The following CSMD1 variants were observed in gnomAD, a reference collection of about 807,000 sequenced individuals.
CSMD1 encodes the protein CUB and sushi domain-containing protein 1.
In CSMD1, 213 loss-of-function variants were observed where a neutral mutation model predicts 417.5. The observed-to-expected ratio is 0.51, with a 90% CI of 0.46 to 0.57. The LOEUF (loss-of-function observed/expected upper bound fraction) is 0.57, where lower values mean the gene tolerates loss of function less well. Among genes scored for constraint, CSMD1 ranks in the 20% least tolerant of loss-of-function variants. The pLI, the probability that CSMD1 is intolerant of heterozygous loss-of-function variation, is 0.00. For synonymous variants in CSMD1, 2,862 were observed against 1,736.8 expected, an observed-to-expected ratio of 1.65 and a Z score of -16.11; for missense variants, 6,923 against 4,529.7, an observed-to-expected ratio of 1.53 and a Z score of -15.17.
intron 1 of CSMD1, among the ~76,000 whole-genome samples, chr8:4,907,829 G>C (rs1162800578): frequency 6.6e-6 from 1 of 151,710 alleles, no homozygotes; most frequent in African/African-American, 2.4e-5. Flanking sequence ...GCCTCGCAAA[G>C]TGCTGGGATT....
intron 21 of CSMD1, among the ~76,000 whole-genome samples, chr8:3,356,344 T>C (rs1043234132): frequency 6.6e-6 from 1 of 152,168 alleles, no homozygotes; most frequent in South Asian, 2.1e-4. Flanking sequence ...CAGACCACTG[T>C]AAAGGAGCCA....
intron 2 of CSMD1, among the ~76,000 whole-genome samples, chr8:4,436,536 A>C (rs1226313235): frequency 6.6e-6 from 1 of 152,034 alleles, no homozygotes; most frequent in Non-Finnish European, 1.5e-5. Flanking sequence ...GTAACAAACA[A>C]TCCGATCACA....
intron 10 of CSMD1, among the ~76,000 whole-genome samples, chr8:3,520,565 G>A (rs542372679): frequency 1.1e-4 from 16 of 152,144 alleles, no homozygotes; most frequent in African/African-American, 2.2e-4. Context: ...CTAGAAGTGC[G>A]TACATTTAAC....
At chr8:3,406,293 A>C (rs1333579356) in intron 14 of CSMD1, 72 bp from the exon 15 acceptor site, 2 of 1,254,606 alleles carry the variant, frequency 1.6e-6, no homozygotes, top group Non-Finnish European at 2.2e-6. Flanking sequence ...AAAAAGAAGA[A>C]AACAGAACAA....
chr8:4,627,340 C>G lies in CSMD1; in HGVS notation c.302+10002G>C, dbSNP rs1280616252. ...ATCCACATAAAGCTCATTTAAAATC[C>G]TGAAAAATCTGGGAAACTATTTATA... is the stretch of plus-strand genomic sequence containing the variant. On this transcript the variant is annotated intron_variant, in intron 2 of 69. Transcript: ENST00000635120. Among the ~76,000 whole-genome samples, 99 of 152,140 alleles carry G rather than the reference C, an allele frequency of 6.5e-4. 1 individual carries two copies. Among genetic ancestry groups the G allele is most frequent in the Non-Finnish European group, 1.8e-4 (12 of 67,990 alleles).
At position 4,202,087 on chromosome 8, in the gene CSMD1, T is replaced by C. The variant is rs1000780462; in HGVS notation, c.416-169988A>G. 8.6e-5 allele frequency among the ~76,000 whole-genome samples: 5 copies of C among 57,942 alleles called. No individual in the cohort carries two copies. The Middle Eastern group carries it at 0.019, about 217-fold the overall frequency. 38.0% of individuals were successfully genotyped at this position (57,942 alleles called of 152,430 possible). ...TAATGCTTGCCTCTCAGTTTAAGAG[T>C]AAATTTTGTTTTTTTGTTAGTTTTT... On this transcript the variant is annotated intron_variant, in intron 3 of 69. Coordinates refer to ENST00000635120, the MANE Select transcript of CSMD1 (RefSeq NM_033225.6).
intron 41 of CSMD1, among the ~76,000 whole-genome samples, chr8:3,139,041 C>A (rs1818281146): frequency 6.6e-6 from 1 of 152,126 alleles, no homozygotes; most frequent in Admixed American, 6.5e-5. Context: ...ATTCCAGGAA[C>A]ACTGCACCTC....
intron 10 of CSMD1, among the ~76,000 whole-genome samples, chr8:3,494,303 G>A (rs1293888280): frequency 1.3e-5 from 2 of 152,032 alleles, no homozygotes; most frequent in African/African-American, 4.8e-5. Flanking sequence ...GTACAACAAT[G>A]GTTTATGTTT....
rs565259762 is a variant in CSMD1, at chr8:3,493,677, G to C, written c.1394C>G (p.Thr465Ser). 1.2e-6 allele frequency: 2 copies of C among 1,612,404 alleles called. No individual in the cohort carries two copies. Among genetic ancestry groups the C allele is most frequent in the South Asian group, 2.2e-5 (2 of 90,380 alleles). ...CTTCCCAGCATCACCAACCGTCAGG[G>C]TGTCATAGCCTCGCTCCAGCTCAAA... ...EEFELERGYD[T>S]LTVGDAGKVG... Residue 465 changes from threonine (T) to serine (S), a missense_variant, in exon 11 of 70, where the codon ACC becomes AGC. Physicochemically the swap from Thr to Ser is moderately conservative, Grantham distance 58. Transcript: ENST00000635120.
chr8:3,877,282 G>C (rs1446336003), intron 5 of CSMD1, among the ~76,000 whole-genome samples: 3 of 152,112 alleles, frequency 2.0e-5, no homozygotes, highest in Admixed American at 1.3e-4. Context: ...TTGATGCGTG[G>C]TGAAAGGAAA....
At chr8:4,646,330 G>C (rs544895381) in intron 1 of CSMD1, among the ~76,000 whole-genome samples, 8 of 152,118 alleles carry the variant, frequency 5.3e-5, no homozygotes, top group East Asian at 1.9e-4. Flanking sequence ...GGGTCAGTAG[G>C]ATTGAGTTGT....
At chr8:3,669,158 G>C (rs755023145) in intron 7 of CSMD1, among the ~76,000 whole-genome samples, 1 of 152,168 alleles carries the variant, frequency 6.6e-6, no homozygotes, top group Non-Finnish European at 1.5e-5. Flanking sequence ...AACAAGGAAA[G>C]CACGTACAAA....
chr8:3,224,772 C>G (rs902635448), intron 27 of CSMD1, among the ~76,000 whole-genome samples: 2 of 152,110 alleles, frequency 1.3e-5, no homozygotes, highest in Non-Finnish European at 2.9e-5. Context: ...AGTTTTTGTT[C>G]TTGAATTGGA....
intron 1 of CSMD1, among the ~76,000 whole-genome samples, chr8:4,661,045 G>A (rs1204651765): frequency 2.0e-5 from 3 of 152,100 alleles, no homozygotes; most frequent in African/African-American, 4.8e-5. Context: ...CAGCCACCCC[G>A]GGAAACAGTT....
intron 3 of CSMD1, among the ~76,000 whole-genome samples, chr8:4,276,431 T>A (rs56012889): frequency 0.15 from 22,310 of 152,006 alleles, 1,768 homozygotes; most frequent in Non-Finnish European, 0.17. Context: ...CAATGAGGAC[T>A]CATGGACGCT....
intron 1 of CSMD1, among the ~76,000 whole-genome samples, chr8:4,920,400 A>G (rs968603144): frequency 6.6e-6 from 1 of 152,246 alleles, no homozygotes; most frequent in Non-Finnish European, 1.5e-5. Flanking sequence ...GTATAAATCT[A>G]GGGAATTCAC....
At chr8:4,118,678 G>C (rs928412290) in intron 3 of CSMD1, among the ~76,000 whole-genome samples, 3 of 152,202 alleles carry the variant, frequency 2.0e-5, no homozygotes, top group Non-Finnish European at 2.9e-5. Context: ...GTGGAAGACA[G>C]TGTGGTGATT....
At chr8:3,457,007 C>G (rs1310730616) in intron 12 of CSMD1, among the ~76,000 whole-genome samples, 1 of 151,842 alleles carries the variant, frequency 6.6e-6, no homozygotes, top group Non-Finnish European at 1.5e-5. Flanking sequence ...TACTCCTTCC[C>G]TTGCACATCT....
intron 3 of CSMD1, among the ~76,000 whole-genome samples, chr8:4,050,173 C>A (rs943435759): frequency 6.6e-6 from 1 of 152,114 alleles, no homozygotes; most frequent in Non-Finnish European, 1.5e-5. Flanking sequence ...ATCAGTGGGA[C>A]TTCCACTCTG....
Sources: allele counts gnomAD v4.1 joint callset (sites outside exome capture counted in the v4.1 genomes callset), GRCh38; gene constraint gnomAD v4.1.1; transcripts MANE v1.5; gene names NCBI Gene and HGNC (gene_info 2026-07-23, HGNC 2026-07-21).